FSTL4: variants seen among roughly 807,000 people sequenced by gnomAD.
FSTL4 encodes follistatin-related protein 4.
FSTL4 carries 28 observed loss-of-function variants against 78.2 expected under a neutral mutation model. That is an observed-to-expected ratio of 0.36 (90% CI 0.27 to 0.49). FSTL4 has a LOEUF of 0.49. Among genes scored for constraint, FSTL4 ranks in the 20% least tolerant of loss-of-function variants. The probability of loss-of-function intolerance (pLI) is 0.98; values close to 1 mark genes in which losing one functional copy is unlikely to be tolerated. For missense variants in FSTL4, 922 were observed against 1,084.9 expected, an observed-to-expected ratio of 0.85 and a Z score of 2.11; for synonymous variants, 422 against 440.5, an observed-to-expected ratio of 0.96 and a Z score of 0.53.
At chr5:133,207,261 C>A (rs77276399) in intron 14 of FSTL4, among the ~76,000 whole-genome samples, 1 of 152,140 alleles carries the variant, frequency 6.6e-6, no homozygotes, top group African/African-American at 2.4e-5. Context: ...GTATTCGTTA[C>A]GTTGTTTGTT....
intron 4 of FSTL4, among the ~76,000 whole-genome samples, chr5:133,373,568 T>C (rs1239191314): frequency 6.6e-6 from 1 of 152,200 alleles, no homozygotes; most frequent in African/African-American, 2.4e-5. Flanking sequence ...AGCTGGAATA[T>C]ACTGCTTCAT....
In FSTL4 at chr5:133,225,579, C is replaced by G; in HGVS notation, c.1177+79G>C. ...CTGTCTGACTTATAAACAAATTATA[C>G]CTCTCGTTTCCATTCCTGGAGTCTC... is the stretch of plus-strand genomic sequence containing the variant. On this transcript the variant is annotated intron_variant, in intron 9 of 15. Transcript: ENST00000265342. The surrounding 1 kb of genome is among the most constrained non-coding windows in gnomAD (Gnocchi z 4.6). 7 of 1,294,660 alleles carry G rather than the reference C, an allele frequency of 5.4e-6. No homozygotes were observed. The highest frequency in any genetic ancestry group is 7.5e-6 in the Non-Finnish European group (7 of 930,156). The allele number at this position is 1,294,660 out of a possible 1,614,324, so 80.2% of individuals were successfully genotyped here. A position where few individuals can be genotyped will look rare whatever the true frequency, so the allele number is the denominator to read the frequency against.
intron 3 of FSTL4, among the ~76,000 whole-genome samples, chr5:133,517,852 T>C (rs1348672493): frequency 6.6e-6 from 1 of 152,162 alleles, no homozygotes; most frequent in Admixed American, 6.5e-5. Context: ...AGCAGTCTAC[T>C]GGCAGAATTA....
At chr5:133,387,710 T>A (rs1003773671) in intron 4 of FSTL4, 1 of 152,158 alleles carries the variant, frequency 6.6e-6, no homozygotes, top group Non-Finnish European at 1.5e-5. Context: ...CACACGCCCA[T>A]GAACAAAGGC....
the FSTL4 span, among the ~76,000 whole-genome samples, chr5:133,731,567 C>T: frequency 6.6e-6 from 1 of 152,122 alleles, no homozygotes; most frequent in African/African-American, 2.4e-5. Context: ...TGGGAGTTTA[C>T]ACATATGCAG....
At chr5:133,549,024 G>C (rs1305101866) in intron 3 of FSTL4, among the ~76,000 whole-genome samples, 1 of 152,036 alleles carries the variant, frequency 6.6e-6, no homozygotes, top group African/African-American at 2.4e-5. Context: ...CTACTTTGAG[G>C]GTTATCATTT....
chr5:133,820,027 T>C, the FSTL4 span, among the ~76,000 whole-genome samples: 85 of 152,260 alleles, frequency 5.6e-4, 1 homozygote, highest in East Asian at 0.012. Context: ...GAAGGAAGAC[T>C]CAAACTTGGG....
intron 6 of FSTL4, among the ~76,000 whole-genome samples, chr5:133,254,812 C>T (rs1306791425): frequency 6.6e-6 from 1 of 152,200 alleles, no homozygotes; most frequent in Non-Finnish European, 1.5e-5. Flanking sequence ...TGTTGAGCCT[C>T]ACATCCTGAT....
chr5:133,303,043 T>G (rs1291588762), intron 6 of FSTL4, among the ~76,000 whole-genome samples: 2 of 152,222 alleles, frequency 1.3e-5, no homozygotes, highest in African/African-American at 4.8e-5. Context: ...TGCCAGCTCT[T>G]CGAGGTCACC....
At chr5:133,712,285 C>T in the FSTL4 span, among the ~76,000 whole-genome samples, 10 of 152,148 alleles carry the variant, frequency 6.6e-5, no homozygotes, top group African/African-American at 2.2e-4. Flanking sequence ...TCAATGGCAT[C>T]GTCCAGGACT....
the FSTL4 span, among the ~76,000 whole-genome samples, chr5:133,667,130 A>G: frequency 0.44 from 66,730 of 152,044 alleles, 15,445 homozygotes; most frequent in African/African-American, 0.59. Context: ...TCTCGACAAA[A>G]GGCCCACACC....
At chr5:133,534,001 C>CT (rs1397402487) in intron 3 of FSTL4, among the ~76,000 whole-genome samples, 1 of 152,100 alleles carries the variant, frequency 6.6e-6, no homozygotes, top group African/African-American at 2.4e-5. Context: ...TCTCCTGCAG[C>CT]ACCTACTTGT....
the FSTL4 span, among the ~76,000 whole-genome samples, chr5:133,753,631 T>C: frequency 6.6e-6 from 1 of 152,062 alleles, no homozygotes; most frequent in Non-Finnish European, 1.5e-5. Flanking sequence ...TATTTGACCC[T>C]GCCTGGACTT....
the FSTL4 span, among the ~76,000 whole-genome samples, chr5:133,643,732 T>C: frequency 3.9e-5 from 6 of 152,312 alleles, no homozygotes. Flanking sequence ...TAGTGTGTTG[T>C]GAGCAAGACT....
chr5:133,257,120 G>T (rs1282124095), intron 6 of FSTL4, among the ~76,000 whole-genome samples: 2 of 152,216 alleles, frequency 1.3e-5, no homozygotes, highest in African/African-American at 4.8e-5. Context: ...TATTAGGCTA[G>T]TGCTCAGTCA....
the FSTL4 span, among the ~76,000 whole-genome samples, chr5:133,748,668 C>A: frequency 4.6e-5 from 7 of 152,208 alleles, no homozygotes; most frequent in Non-Finnish European, 5.9e-5. Flanking sequence ...GCTGGGCAGA[C>A]TGGCTAGATT....
At chr5:133,758,998 A>G in the FSTL4 span, among the ~76,000 whole-genome samples, 24 of 152,368 alleles carry the variant, frequency 1.6e-4, 1 homozygote, top group South Asian at 5.0e-3. Context: ...ACCTAGACTT[A>G]GAAGTGACTT....
the FSTL4 span, among the ~76,000 whole-genome samples, chr5:133,722,431 T>C: frequency 6.6e-6 from 1 of 152,190 alleles, no homozygotes; most frequent in Non-Finnish European, 1.5e-5. Context: ...TTCAGCTCCG[T>C]GATTTCTGTT....
chr5:133,304,723 C>T (rs1310720733), intron 6 of FSTL4, among the ~76,000 whole-genome samples: 1 of 152,192 alleles, frequency 6.6e-6, no homozygotes. Context: ...GGGAAAGGGG[C>T]AGTCTGGGTT....
Sources: gnomAD v4.1 joint callset for allele counts (sites outside exome capture counted in the v4.1 genomes callset) on GRCh38, gnomAD v4.1.1 for gene constraint, Gnocchi (gnomAD v3.1) non-coding constraint, MANE v1.5 for transcripts, NCBI Gene and HGNC (gene_info 2026-07-23, HGNC 2026-07-21) for gene names.